Variants in CCDC141 observed in about 807,000 individuals in gnomAD.
The protein encoded by CCDC141 is coiled-coil domain containing 141.
CCDC141 carries 168 observed loss-of-function variants against 181.0 expected under a neutral mutation model. The ratio of observed to expected loss-of-function variants is 0.93; its 90% CI spans 0.82 to 1.05. The LOEUF is 1.05. Among genes scored for constraint, CCDC141 ranks in the 50% least tolerant of loss-of-function variants. The pLI, the probability that CCDC141 is intolerant of heterozygous loss-of-function variation, is 0.00. For synonymous variants in CCDC141, 666 were observed against 642.3 expected (o/e 1.04, Z -0.56); for missense variants, 1,902 against 1,788.5 (o/e 1.06, Z -1.14).
intron 21 of CCDC141, among the ~76,000 whole-genome samples, chr2:178,846,286 G>A (rs1292389013): frequency 6.6e-6 from 1 of 152,160 alleles, no homozygotes; most frequent in Non-Finnish European, 1.5e-5. Flanking sequence ...CATTTCATGG[G>A]GCTCAGTTTT....
At chr2:179,015,559 A>ATATATATGATT in intron 2 of CCDC141, among the ~76,000 whole-genome samples, 1 of 8,840 alleles carries the variant, frequency 1.1e-4, no homozygotes, top group South Asian at 1.9e-3. Context: ...CTCATATCTC[A>ATATATATGATT]TATATATCTC....
At position 178,893,819 on chromosome 2, in the gene CCDC141, A is replaced by G. The variant is rs1022426596; in HGVS notation, c.1266-5151T>C. ...CTCTCTCACACACACACACACACAC[A>G]CACGCACACACACACACACACACAC... On this transcript the variant is annotated intron_variant, in intron 8 of 23. Coordinates refer to ENST00000443758, the MANE Select transcript of CCDC141 (RefSeq NM_173648.4). Among the ~76,000 whole-genome samples the G allele has an allele frequency of 5.1e-5, 7 of 137,242 alleles. No individual in the cohort carries two copies. In the East Asian group the frequency reaches 1.1e-3, roughly 22 times the overall value. 90.0% of individuals were successfully genotyped at this position (137,242 alleles called of 152,430 possible).
chr2:178,858,579 T>A (rs1350100075), intron 17 of CCDC141, among the ~76,000 whole-genome samples: 7 of 152,150 alleles, frequency 4.6e-5, no homozygotes, highest in Non-Finnish European at 7.4e-5. Flanking sequence ...CACAACAATG[T>A]GAATGTACTT....
At chr2:179,023,360 C>A (rs1458260011) in intron 2 of CCDC141, among the ~76,000 whole-genome samples, 1 of 152,076 alleles carries the variant, frequency 6.6e-6, no homozygotes, top group Non-Finnish European at 1.5e-5. Context: ...AGTTACACAG[C>A]CAAGCAGCAA....
chr2:178,921,116 G>A (rs1419985815), intron 6 of CCDC141, among the ~76,000 whole-genome samples: 2 of 152,178 alleles, frequency 1.3e-5, no homozygotes, highest in Non-Finnish European at 2.9e-5. Flanking sequence ...CAATTTCTCA[G>A]TGCATGCAAA....
chr2:178,986,496 G>T (rs1691748697), intron 2 of CCDC141, among the ~76,000 whole-genome samples: 1 of 152,144 alleles, frequency 6.6e-6, no homozygotes, highest in Admixed American at 6.5e-5. Flanking sequence ...GAAATAAAGG[G>T]TATTCAATCA....
intron 8 of CCDC141, among the ~76,000 whole-genome samples, chr2:178,903,405 C>T (rs995047206): frequency 1.3e-5 from 2 of 152,018 alleles, no homozygotes; most frequent in African/African-American, 4.8e-5. Flanking sequence ...GGCACATATA[C>T]ACCATGGAAT....
the CCDC141 span, among the ~76,000 whole-genome samples, chr2:178,819,237 C>T: frequency 6.6e-6 from 1 of 152,124 alleles, no homozygotes; most frequent in African/African-American, 2.4e-5. Context: ...TGTCAAATTC[C>T]AGAATATAGA....
At chr2:178,995,029 C>T (rs1475478817) in intron 2 of CCDC141, among the ~76,000 whole-genome samples, 4 of 152,220 alleles carry the variant, frequency 2.6e-5, no homozygotes, top group Non-Finnish European at 5.9e-5. Flanking sequence ...AACTGTCCCA[C>T]ATTTTCCTGT....
intron 22 of CCDC141, among the ~76,000 whole-genome samples, chr2:178,841,781 A>T (rs921868645): frequency 6.6e-6 from 1 of 152,142 alleles, no homozygotes; most frequent in Non-Finnish European, 1.5e-5. Flanking sequence ...AGTAGCTGGG[A>T]TTACAGGCAC....
At chr2:178,916,679 T>C (rs528522135) in intron 7 of CCDC141, among the ~76,000 whole-genome samples, 3 of 152,170 alleles carry the variant, frequency 2.0e-5, no homozygotes, top group Non-Finnish European at 4.4e-5. Context: ...TCAGAAATTA[T>C]TTCCTTGATG....
chr2:178,959,041 G>A (rs1467102799), intron 5 of CCDC141, among the ~76,000 whole-genome samples: 1 of 151,628 alleles, frequency 6.6e-6, no homozygotes, highest in Non-Finnish European at 1.5e-5. Flanking sequence ...AACGTCGCAA[G>A]GACAAAAAAC....
chr2:178,883,911 G>A (rs1322505964), intron 11 of CCDC141, among the ~76,000 whole-genome samples: 1 of 152,062 alleles, frequency 6.6e-6, no homozygotes, highest in Non-Finnish European at 1.5e-5. Flanking sequence ...GAAGCTCTGA[G>A]GGGTAACATA....
chr2:178,882,366 T>C (rs1686665485), intron 11 of CCDC141, among the ~76,000 whole-genome samples: 1 of 152,106 alleles, frequency 6.6e-6, no homozygotes, highest in Admixed American at 6.5e-5. Flanking sequence ...CGAAACTCTG[T>C]CTGAAATAAT....
intron 14 of CCDC141, among the ~76,000 whole-genome samples, chr2:178,870,723 A>G (rs983497750): frequency 6.6e-6 from 1 of 152,206 alleles, no homozygotes; most frequent in African/African-American, 2.4e-5. Flanking sequence ...GATTCTTTGA[A>G]GCCCACATTT....
intron 2 of CCDC141, among the ~76,000 whole-genome samples, chr2:179,033,924 C>G (rs912024342): frequency 6.6e-6 from 1 of 152,190 alleles, no homozygotes; most frequent in South Asian, 2.1e-4. Flanking sequence ...AAGTAAGAAG[C>G]CTGGGGCTCA....
intron 2 of CCDC141, among the ~76,000 whole-genome samples, chr2:178,993,525 C>T (rs112017001): frequency 0.015 from 2,220 of 152,280 alleles, 54 homozygotes; most frequent in African/African-American, 0.051. Flanking sequence ...CACCAGGTCT[C>T]TCCCACAGCA....
chr2:179,024,589 G>T (rs1240161767), intron 2 of CCDC141, among the ~76,000 whole-genome samples: 4 of 151,998 alleles, frequency 2.6e-5, no homozygotes, highest in Admixed American at 2.6e-4. Flanking sequence ...CTCAGAGGAG[G>T]TCATGGCCAG....
intron 8 of CCDC141, among the ~76,000 whole-genome samples, chr2:178,889,517 T>C (rs1192252097): frequency 6.6e-6 from 1 of 152,200 alleles, no homozygotes; most frequent in Non-Finnish European, 1.5e-5. Flanking sequence ...CCCTTAAATT[T>C]AATTACCCAG....
Sources: gnomAD v4.1 joint callset for allele counts (sites outside exome capture counted in the v4.1 genomes callset) on GRCh38, gnomAD v4.1.1 for gene constraint, MANE v1.5 for transcripts, NCBI Gene and HGNC (gene_info 2026-07-23, HGNC 2026-07-21) for gene names.